The following GRM1 variants were observed in gnomAD, a reference collection of about 807,000 sequenced individuals.
GRM1 encodes the protein glutamate metabotropic receptor 1.
A neutral mutation model predicts 90.9 loss-of-function variants in GRM1; 33 were observed. The ratio of observed to expected loss-of-function variants is 0.36; its 90% confidence interval spans 0.28 to 0.49. GRM1 has a LOEUF of 0.49. Among genes scored for constraint, GRM1 ranks in the 20% least tolerant of loss-of-function variants. The probability of loss-of-function intolerance (pLI) is 0.99; values close to 1 mark genes in which losing one functional copy is unlikely to be tolerated. For synonymous variants in GRM1, 700 were observed against 613.2 expected, an observed-to-expected ratio of 1.14 and a Z score of -2.09; for missense variants, 1,190 against 1,534.3, an observed-to-expected ratio of 0.78 and a Z score of 3.75.
intron 1 of GRM1, among the ~76,000 whole-genome samples, chr6:146,052,392 A>T (rs1299020574): frequency 6.6e-6 from 1 of 151,992 alleles, no homozygotes; most frequent in East Asian, 1.9e-4. Flanking sequence ...AAACCTATAG[A>T]TGCCCAGCCC....
rs557241976 is a variant in GRM1 at position 146,433,977 on chromosome 6, G to A, written c.2766G>A (p.Thr922=). The A allele has an allele frequency of 1.5e-5, 25 of 1,614,082 alleles. 1 individual carries two copies. The highest frequency in any genetic ancestry group is 1.1e-4 in the South Asian group (10 of 91,080). ...RLSVHVKTNE[T]ACNQTAVIKP... is the part of the protein sequence containing the mutation. The stretch of plus-strand genomic sequence containing the variant: ...CTGTGCACGTGAAGACCAATGAGAC[G>A]GCCTGCAACCAAACAGCCGTCATCA... The change falls in exon 8 of 8, where the codon ACG becomes ACA. Residue 922 remains threonine (T), a synonymous_variant. Coordinates refer to ENST00000282753, the MANE Select transcript of GRM1 (RefSeq NM_001278064.2).
intron 7 of GRM1, among the ~76,000 whole-genome samples, chr6:146,402,673 G>T (rs1000239259): frequency 5.3e-5 from 8 of 152,164 alleles, no homozygotes; most frequent in Non-Finnish European, 1.2e-4. Flanking sequence ...GTAATGAAGA[G>T]CTTCCAACTG....
intron 1 of GRM1, among the ~76,000 whole-genome samples, chr6:146,150,938 G>GCA (rs143821112): frequency 0.039 from 5,879 of 150,366 alleles, 144 homozygotes; most frequent in African/African-American, 0.07. Flanking sequence ...GCGTGTGCGC[G>GCA]CACACACACA....
intron 2 of GRM1, among the ~76,000 whole-genome samples, chr6:146,260,763 T>C (rs1411423688): frequency 6.7e-6 from 1 of 148,800 alleles, no homozygotes; most frequent in Non-Finnish European, 1.5e-5. Context: ...TTTGGAAAAA[T>C]GTCTTCAGTC....
chr6:146,080,090 G>A (rs1042507000), intron 1 of GRM1, among the ~76,000 whole-genome samples: 8 of 152,170 alleles, frequency 5.3e-5, no homozygotes, highest in Non-Finnish European at 8.8e-5. Context: ...TTTGGTGGCC[G>A]AAGGACTCGG....
intron 1 of GRM1, among the ~76,000 whole-genome samples, chr6:146,112,235 T>C (rs1311627303): frequency 6.6e-6 from 1 of 152,030 alleles, no homozygotes; most frequent in Non-Finnish European, 1.5e-5. Flanking sequence ...TTGATCTATA[T>C]TTAATTACCA....
At chr6:146,412,518 T>C (rs1777608592) in intron 7 of GRM1, among the ~76,000 whole-genome samples, 1 of 152,206 alleles carries the variant, frequency 6.6e-6, no homozygotes, top group Non-Finnish European at 1.5e-5. Context: ...ATGAACATAC[T>C]ACATTCATAT....
At chr6:146,264,021 T>C (rs1781788110) in intron 2 of GRM1, among the ~76,000 whole-genome samples, 1 of 152,106 alleles carries the variant, frequency 6.6e-6, no homozygotes, top group South Asian at 2.1e-4. Flanking sequence ...TTAATGAAAA[T>C]TGTATATTAA....
intron 1 of GRM1, among the ~76,000 whole-genome samples, chr6:146,120,340 G>A (rs1372715757): frequency 6.6e-6 from 1 of 152,162 alleles, no homozygotes; most frequent in Non-Finnish European, 1.5e-5. Context: ...ATTTTGGGCT[G>A]AGACGATGGG....
At chr6:146,259,588 A>G (rs1014131241) in intron 2 of GRM1, among the ~76,000 whole-genome samples, 70 of 152,148 alleles carry the variant, frequency 4.6e-4, no homozygotes, top group African/African-American at 1.5e-3. Flanking sequence ...CTCACTTAGT[A>G]TAATGCCCTC....
At chr6:146,110,223 G>A (rs889503373) in intron 1 of GRM1, among the ~76,000 whole-genome samples, 2 of 152,262 alleles carry the variant, frequency 1.3e-5, no homozygotes, top group Admixed American at 6.5e-5. Flanking sequence ...ATCTTGAATT[G>A]TAGCTCCTGC....
chr6:146,179,856 T>A lies in GRM1; in HGVS notation c.950+20259T>A, dbSNP rs1778480306. 2.0e-5 allele frequency among the ~76,000 whole-genome samples: 3 copies of A among 151,514 alleles called. No individual in the cohort carries two copies. The South Asian group carries it at 6.3e-4, about 32-fold the overall frequency. ...TAATTTTTTTTTGTTCTTTATTCCTTCATCTTTTAAGAGTTTGAAAAACTC... is the reference window on the plus strand; with the variant it reads ...TAATTTTTTTTTGTTCTTTATTCCTACATCTTTTAAGAGTTTGAAAAACTC... On this transcript the variant is annotated intron_variant, in intron 2 of 7. Coordinates refer to ENST00000282753, the MANE Select transcript of GRM1 (RefSeq NM_001278064.2).
At chr6:146,392,033 T>A (rs1484073064) in intron 6 of GRM1, among the ~76,000 whole-genome samples, 1 of 152,164 alleles carries the variant, frequency 6.6e-6, no homozygotes, top group African/African-American at 2.4e-5. Flanking sequence ...TTTATGATTA[T>A]CCTTGGAGAG....
At chr6:146,103,086 G>T (rs1410541406) in intron 1 of GRM1, among the ~76,000 whole-genome samples, 1 of 152,112 alleles carries the variant, frequency 6.6e-6, no homozygotes, top group Non-Finnish European at 1.5e-5. Context: ...CTGTCCTTCT[G>T]CAGTGCCACA....
chr6:146,417,444 T>C (rs2114646948), intron 7 of GRM1, among the ~76,000 whole-genome samples: 1 of 152,332 alleles, frequency 6.6e-6, no homozygotes, highest in African/African-American at 2.4e-5. Context: ...AGAAAACCAA[T>C]ACCTTTCTCA....
intron 2 of GRM1, among the ~76,000 whole-genome samples, chr6:146,265,121 A>G (rs1398472747): frequency 6.6e-6 from 1 of 152,198 alleles, no homozygotes; most frequent in African/African-American, 2.4e-5. Flanking sequence ...TGTTTTTCAT[A>G]GAGGTTATAC....
intron 3 of GRM1, among the ~76,000 whole-genome samples, chr6:146,308,782 TTCTC>T (rs552833608): frequency 7.6e-4 from 115 of 152,236 alleles, no homozygotes; most frequent in African/African-American, 2.5e-3. Flanking sequence ...GTTTTCATCT[TTCTC>T]TATATAGTTT....
rs1777775040 is a variant in GRM1, at chr6:146,162,699, G to C, written c.950+3102G>C. 2.6e-5 allele frequency among the ~76,000 whole-genome samples: 4 copies of C among 152,068 alleles called. No homozygotes were observed. In the South Asian group the frequency reaches 8.3e-4, roughly 32 times the overall value. ...TCAAAGCTCCATATTTGACCACTTG[G>C]AATGAGCTGCTGAGAATGGAATAAT... is the stretch of plus-strand genomic sequence containing the variant. On this transcript the variant is annotated intron_variant, in intron 2 of 7. Transcript: ENST00000282753.
chr6:146,299,363 T>C (rs531138305), intron 2 of GRM1, among the ~76,000 whole-genome samples: 11 of 152,326 alleles, frequency 7.2e-5, no homozygotes, highest in Admixed American at 1.3e-4. Flanking sequence ...TTTTACCTTG[T>C]TGAGTACCAA....
Sources: gnomAD v4.1 joint callset for allele counts (sites outside exome capture counted in the v4.1 genomes callset) on GRCh38, gnomAD v4.1.1 for gene constraint, MANE v1.5 for transcripts, NCBI Gene and HGNC (gene_info 2026-07-23, HGNC 2026-07-21) for gene names.